Variants in HSD17B4 observed in about 807,000 individuals in gnomAD.
HSD17B4 encodes hydroxysteroid 17-beta dehydrogenase 4, also known as peroxisomal multifunctional enzyme type 2.
HSD17B4 carries 70 observed loss-of-function variants against 101.0 expected under a neutral mutation model. The observed-to-expected ratio is 0.69, with a 90% confidence interval of 0.57 to 0.85. The LOEUF (loss-of-function observed/expected upper bound fraction) is 0.85. Among genes scored for constraint, HSD17B4 ranks in the 40% least tolerant of loss-of-function variants. The pLI, the probability that HSD17B4 is intolerant of heterozygous loss-of-function variation, is 0.00. For synonymous variants in HSD17B4, 347 were observed against 297.1 expected (o/e 1.17, Z -1.73); for missense variants, 984 against 892.4 (o/e 1.10, Z -1.31).
chr5:119,457,938 A>G (rs1332569435), intron 2 of HSD17B4, among the ~76,000 whole-genome samples: 1 of 152,172 alleles, frequency 6.6e-6, no homozygotes, highest in Non-Finnish European at 1.5e-5. Context: ...TTAGTTTATA[A>G]ACCTGTTTTG....
chr5:119,526,074 T>C (rs1310907500), intron 19 of HSD17B4, 51 bp downstream of exon 19: 6 of 1,033,632 alleles, frequency 5.8e-6, no homozygotes, highest in Admixed American at 1.7e-5. Context: ...TTTCTATCTT[T>C]AGAGAAGAAA....
intron 7 of HSD17B4, among the ~76,000 whole-genome samples, chr5:119,478,390 A>G (rs1024396516): frequency 6.6e-6 from 1 of 152,098 alleles, no homozygotes; most frequent in East Asian, 1.9e-4. Context: ...AAATAATATG[A>G]TTTATTTTAC....
At chr5:119,501,962 C>A in intron 13 of HSD17B4, 79 bp from the exon 14 acceptor site, 1 of 834,632 alleles carries the variant, frequency 1.2e-6, no homozygotes, top group Non-Finnish European at 2.1e-6. Context: ...TAAAATGTCA[C>A]TTGCGAGTAA....
At chr5:119,498,993 A>G (rs540126614) in intron 12 of HSD17B4, among the ~76,000 whole-genome samples, 1 of 152,290 alleles carries the variant, frequency 6.6e-6, no homozygotes, top group African/African-American at 2.4e-5. Context: ...GCAATTTACT[A>G]TCCTTAATAA....
At chr5:119,460,409 C>T (rs1035380094) in intron 2 of HSD17B4, among the ~76,000 whole-genome samples, 18 of 152,068 alleles carry the variant, frequency 1.2e-4, no homozygotes, top group African/African-American at 3.9e-4. Flanking sequence ...ATAAATGAGC[C>T]GTACATGAAA....
chr5:119,452,755 TG>T, intron 1 of HSD17B4, 122 bp downstream of exon 1: 1 of 1,582,854 alleles, frequency 6.3e-7, no homozygotes, highest in Non-Finnish European at 8.5e-7. Context: ...GGGAGGGGAA[TG>T]GTTATTCTTG....
At chr5:119,498,045 G>A (rs182444454) in intron 12 of HSD17B4, among the ~76,000 whole-genome samples, 14 of 152,216 alleles carry the variant, frequency 9.2e-5, no homozygotes, top group African/African-American at 3.1e-4. Flanking sequence ...TCAGAAATTC[G>A]AGAACAATTG....
chr5:119,501,790 A>G (rs1319665475), intron 13 of HSD17B4, among the ~76,000 whole-genome samples: 1 of 152,158 alleles, frequency 6.6e-6, no homozygotes, highest in Admixed American at 6.6e-5. Context: ...TTAACAGTCA[A>G]CAAGGCTTTA....
intron 16 of HSD17B4, 34 bp from the exon 17 acceptor site, chr5:119,514,947 A>G (rs895829830): frequency 1.7e-6 from 2 of 1,148,252 alleles, no homozygotes; most frequent in Admixed American, 1.7e-5. Flanking sequence ...GATAATTTGT[A>G]TTTAAGATTT....
chr5:119,529,845 A>G (rs764486628), intron 20 of HSD17B4, 49 bp from the exon 21 acceptor site: 4 of 1,071,774 alleles, frequency 3.7e-6, no homozygotes, highest in African/African-American at 3.1e-5. Context: ...GTGAAATTAC[A>G]CTTCCATTGT....
At chr5:119,483,655 A>G (rs567949040) in intron 8 of HSD17B4, among the ~76,000 whole-genome samples, 16 of 152,312 alleles carry the variant, frequency 1.1e-4, no homozygotes, top group East Asian at 1.9e-4. Context: ...TCCAATATAC[A>G]TAAGAGTAAA....
chr5:119,491,983 T>A (rs1750149314), intron 9 of HSD17B4, 117 bp from the exon 10 acceptor site: 2 of 818,594 alleles, frequency 2.4e-6, no homozygotes, highest in East Asian at 4.9e-5. Context: ...TATTTTCATC[T>A]CCTGTTGCCT....
At chr5:119,471,614 A>G (rs1476609514) in intron 2 of HSD17B4, 5 of 1,078,460 alleles carry the variant, frequency 4.6e-6, no homozygotes, top group African/African-American at 3.2e-5. Flanking sequence ...TTTATTAATT[A>G]GTAACTTTTT....
At chr5:119,501,955 A>T (rs1407015479) in intron 13 of HSD17B4, 86 bp from the exon 14 acceptor site, 1 of 807,238 alleles carries the variant, frequency 1.2e-6, no homozygotes, top group Non-Finnish European at 2.2e-6. Context: ...TGGATGGTAA[A>T]ATGTCACTTG....
intron 7 of HSD17B4, 38 bp downstream of exon 7, chr5:119,477,539 G>A (rs772310384): frequency 1.5e-6 from 2 of 1,372,314 alleles, no homozygotes; most frequent in East Asian, 2.3e-5. Flanking sequence ...GATTTAAGAT[G>A]TTGTGTCTGG....
intron 16 of HSD17B4, among the ~76,000 whole-genome samples, chr5:119,512,859 A>G (rs1399206883): frequency 6.6e-6 from 1 of 152,188 alleles, no homozygotes; most frequent in Non-Finnish European, 1.5e-5. Flanking sequence ...GCTGATGGCT[A>G]TAGGGTTTTC....
At chr5:119,505,199 T>G (rs1751533335) in intron 14 of HSD17B4, among the ~76,000 whole-genome samples, 1 of 152,170 alleles carries the variant, frequency 6.6e-6, no homozygotes, top group South Asian at 2.1e-4. Flanking sequence ...TTGTTTTTTT[T>G]TTTTACTTGG....
intron 2 of HSD17B4, among the ~76,000 whole-genome samples, chr5:119,461,892 G>A (rs896843693): frequency 6.6e-6 from 1 of 152,032 alleles, no homozygotes; most frequent in South Asian, 2.1e-4. Context: ...AAGAAAAAAC[G>A]AAAAGGATTT....
At position 119,509,203 on chromosome 5, in the gene HSD17B4, T is replaced by C. The variant is rs1751940002; in HGVS notation, c.1396T>C (p.Ser466Pro). 6.2e-7 allele frequency: 1 copy of C among 1,611,360 alleles called. No homozygotes were observed. The highest frequency in any genetic ancestry group is 1.3e-5 in the African/African-American group (1 of 74,998). Residue 466 changes from serine (S) to proline (P), a missense_variant, in exon 16 of 24, where the codon TCT (serine) becomes CCT (proline). Coordinates refer to ENST00000510025, the MANE Select transcript of HSD17B4 (RefSeq NM_000414.4). ...HNQFSLFLVG[S>P]GGFGGKRTSD... Reference sequence around the variant, plus strand: ...TCAGTTCTCTCTCTTTCTTGTTGGCTCTGGAGGCTTTGGTGGAAAACGGAC... The same window carrying C: ...TCAGTTCTCTCTCTTTCTTGTTGGCCCTGGAGGCTTTGGTGGAAAACGGAC...
Sources: gnomAD v4.1 joint callset for allele counts (sites outside exome capture counted in the v4.1 genomes callset) on GRCh38, gnomAD v4.1.1 for gene constraint, MANE v1.5 for transcripts, NCBI Gene and HGNC (gene_info 2026-07-23, HGNC 2026-07-21) for gene names.